The following STAT2 variants were observed in gnomAD, a reference collection of about 807,000 sequenced individuals.
The protein encoded by STAT2 is interferon alpha induced transcriptional activator.
In STAT2, 51 loss-of-function variants were observed where a neutral mutation model predicts 122.3. The ratio of observed to expected loss-of-function variants is 0.42; its 90% CI spans 0.33 to 0.53. The LOEUF is 0.53. Ranked by LOEUF, STAT2 falls within the 20% of genes least tolerant of loss-of-function variation. STAT2 has a pLI of 0.10. For missense variants in STAT2, 736 were observed against 1,010.3 expected, an observed-to-expected ratio of 0.73 and a Z score of 3.68; for synonymous variants, 351 against 394.9, an observed-to-expected ratio of 0.89 and a Z score of 1.32.
At chr12:56,352,057 T>C (rs976769689) in intron 8 of STAT2, among the ~76,000 whole-genome samples, 1 of 152,028 alleles carries the variant, frequency 6.6e-6, no homozygotes, top group Non-Finnish European at 1.5e-5. Context: ...CACGCCCGGC[T>C]AACTTATATA....
At position 56,348,904 on chromosome 12, in the gene STAT2, A is replaced by C; in HGVS notation, c.1576+20T>G. Reference sequence around the variant, plus strand: ...AAAGACTAAGGCTGGGGAAAGGCTGAGAGAAAAGGAAATCTGTACCGAACA... The same window carrying C: ...AAAGACTAAGGCTGGGGAAAGGCTGCGAGAAAAGGAAATCTGTACCGAACA... On this transcript the variant is annotated intron_variant, in intron 17 of 23. Transcript: ENST00000314128. The C allele has an allele frequency of 6.2e-7, 1 of 1,613,208 alleles. No individual in the cohort carries two copies. Among genetic ancestry groups the C allele is most frequent in the Non-Finnish European group, 8.5e-7 (1 of 1,179,454 alleles).
rs765874275 is a variant in STAT2 at position 56,349,571 on chromosome 12, C to A, written c.1257+18G>T. On this transcript the variant is annotated intron_variant, in intron 14 of 23. Transcript: ENST00000314128. ...TTGGCAAGCTCCCCCTGCCTCGAGT[C>A]CTCTGTCCAGATCTCACCTTATTGC... 2 of 1,614,186 alleles carry A rather than the reference C, an allele frequency of 1.2e-6. No individual in the cohort carries two copies. The highest frequency in any genetic ancestry group is 1.7e-6 in the Non-Finnish European group (2 of 1,180,032).
rs1293533636 is a variant in STAT2 at position 56,354,781 on chromosome 12, T to C, written c.630A>G (p.Arg210=). Residue 210 remains arginine, a synonymous_variant, in exon 7 of 24, where the codon AGA becomes AGG. Transcript: ENST00000314128. ...QETLNELDKR[R]KEVLDASKAL... ...TGTTCTGTCCTCTGTCTCCCACCTT[T>C]CTCCTTTTGTCCAGTTCATTGAGAG... The C allele has an allele frequency of 1.2e-6, 2 of 1,614,138 alleles. No individual in the cohort carries two copies. The highest frequency in any genetic ancestry group is 2.2e-5 in the South Asian group (2 of 91,074).
In STAT2 at chr12:56,344,106, T is replaced by C; in HGVS notation, c.2132A>G (p.Glu711Gly). 1 of 1,566,440 alleles carries C rather than the reference T, an allele frequency of 6.4e-7. No individual in the cohort carries two copies. The highest frequency in any genetic ancestry group is 1.9e-5 in the Admixed American group (1 of 52,130). ...RQVDELQQPL[E>G]LKPEPELESL... ...CTCCAGCTCTGGCTCTGGCTTAAGCTCCAGCGGTTGTTGCAGTTCATCCAC... is the reference window on the plus strand; with the variant it reads ...CTCCAGCTCTGGCTCTGGCTTAAGCCCCAGCGGTTGTTGCAGTTCATCCAC... Residue 711 changes from glutamate to glycine, a missense_variant, in exon 23 of 24, where the codon GAG becomes GGG. Glu to Gly is a moderately conservative substitution (Grantham distance 98). Coordinates refer to ENST00000314128, the MANE Select transcript of STAT2 (RefSeq NM_005419.4).
At position 56,349,277 on chromosome 12, in the gene STAT2, G is replaced by A. The variant is rs1479761346; in HGVS notation, c.1342-16C>T. Reference sequence around the variant, plus strand: ...GGGTGTCCGTCTGGGGAGAAGACAGGAGTCACAGAGAGGGATGTGATGTTT... The same window carrying A: ...GGGTGTCCGTCTGGGGAGAAGACAGAAGTCACAGAGAGGGATGTGATGTTT... On this transcript the variant is annotated splice_polypyrimidine_tract_variant and intron_variant, in intron 15 of 23. Transcript: ENST00000314128. 2 of 1,614,080 alleles carry A rather than the reference G, an allele frequency of 1.2e-6. No individual in the cohort carries two copies. Among genetic ancestry groups the A allele is most frequent in the Non-Finnish European group, 8.5e-7 (1 of 1,180,048 alleles).
intron 22 of STAT2, among the ~76,000 whole-genome samples, chr12:56,345,543 T>A (rs1592465613): frequency 1.5e-5 from 1 of 67,780 alleles, no homozygotes; most frequent in African/African-American, 7.7e-5. Flanking sequence ...ATATGCGGGG[T>A]GTGGTGGCTC....
intron 19 of STAT2, among the ~76,000 whole-genome samples, chr12:56,347,372 G>A (rs1223881036): frequency 1.3e-5 from 2 of 151,720 alleles, no homozygotes; most frequent in African/African-American, 4.8e-5. Context: ...TGTATTTTTC[G>A]TAGAGACGGG....
At chr12:56,350,485 G>A in intron 11 of STAT2, 53 bp from the exon 12 acceptor site, 4 of 1,538,672 alleles carry the variant, frequency 2.6e-6, no homozygotes, top group Non-Finnish European at 2.6e-6. Context: ...ATGGAAGTTA[G>A]GAGTTTCGTC....
At position 56,346,548 on chromosome 12, in the gene STAT2, G is replaced by A; in HGVS notation, c.1938C>T (p.Arg646=). The A allele has an allele frequency of 1.2e-6, 2 of 1,614,196 alleles. No homozygotes were observed. The highest frequency in any genetic ancestry group is 1.7e-6 in the Non-Finnish European group (2 of 1,180,034). Reference sequence around the variant, plus strand: ...TCTCCTCAGTGAGCAACTGGTAATGGCGGATGATTTCAGTCAGCGGGAGTG... The same window carrying A: ...TCTCCTCAGTGAGCAACTGGTAATGACGGATGATTTCAGTCAGCGGGAGTG... The part of the protein sequence containing the change: ...LQSLPLTEII[R]HYQLLTEENI... The change falls in exon 21 of 24, where the codon CGC becomes CGT. Residue 646 remains arginine, a synonymous_variant. Transcript: ENST00000314128.
Position 56,354,624 on chromosome 12 carries a change from A to G in STAT2, c.634-10T>C. ...AGGCATCCAGCACCTCCTGGGAAAG[A>G]GATAATGTGAGTGTTGAGCATCTCT... On this transcript the variant is annotated splice_polypyrimidine_tract_variant and intron_variant, in intron 7 of 23. Coordinates refer to ENST00000314128, the MANE Select transcript of STAT2 (RefSeq NM_005419.4). 1 of 1,614,114 alleles carries G rather than the reference A, an allele frequency of 6.2e-7. No individual in the cohort carries two copies. Among genetic ancestry groups the G allele is most frequent in the Non-Finnish European group, 8.5e-7 (1 of 1,179,998 alleles).
At chr12:56,350,246 G>T in intron 12 of STAT2, 56 bp from the exon 13 acceptor site, 3 of 1,435,308 alleles carry the variant, frequency 2.1e-6, no homozygotes, top group Non-Finnish European at 2.9e-6. Context: ...TAAAAACTCA[G>T]CAGAAAAAAA....
chr12:56,354,936 A>G, intron 6 of STAT2, 73 bp from the exon 7 acceptor site: 2 of 1,456,454 alleles, frequency 1.4e-6, no homozygotes, highest in Non-Finnish European at 1.9e-6. Flanking sequence ...AGTCAGAGTC[A>G]GGAAGGAGGA....
chr12:56,357,632 G>A (rs555300727), intron 1 of STAT2, among the ~76,000 whole-genome samples: 102 of 151,732 alleles, frequency 6.7e-4, no homozygotes, highest in African/African-American at 2.1e-3. Context: ...GGCGTGAGCC[G>A]CTGTGCCCAG....
chr12:56,353,995 CAAAAA>C (rs1187550270), intron 8 of STAT2, among the ~76,000 whole-genome samples: 13 of 12,764 alleles, frequency 1.0e-3, no homozygotes, highest in Admixed American at 1.9e-3. Flanking sequence ...GACTCCGTCT[CAAAAA>C]AAAAAAAAAA....
intron 18 of STAT2, 53 bp from the exon 19 acceptor site, chr12:56,348,676 GGAA>G (rs1293343869): frequency 1.2e-6 from 2 of 1,614,048 alleles, no homozygotes; most frequent in East Asian, 4.5e-5. Flanking sequence ...TCTGGTGTAG[GGAA>G]GGAGGGACGT....
intron 8 of STAT2, among the ~76,000 whole-genome samples, chr12:56,354,042 A>T (rs12312175): frequency 0.038 from 1,161 of 30,760 alleles, 30 homozygotes; most frequent in East Asian, 0.07. Context: ...TATATATATA[A>T]AAAATACTGT....
At chr12:56,347,350 C>T (rs980759981) in intron 19 of STAT2, among the ~76,000 whole-genome samples, 2 of 152,020 alleles carry the variant, frequency 1.3e-5, no homozygotes, top group South Asian at 4.1e-4. Flanking sequence ...ACCACCATGC[C>T]TGGCTAACTT....
In STAT2 at chr12:56,354,766, T is replaced by C. The variant is rs1443619758; in HGVS notation, c.633+12A>G. 1 of 1,614,218 alleles carries C rather than the reference T, an allele frequency of 6.2e-7. No individual in the cohort carries two copies. The highest frequency in any genetic ancestry group is 8.5e-7 in the Non-Finnish European group (1 of 1,180,024). On this transcript the variant is annotated intron_variant, in intron 7 of 23. Transcript: ENST00000314128. ...TCCTTGTTGCCCACATGTTCTGTCCTCTGTCTCCCACCTTTCTCCTTTTGT... is the reference window on the plus strand; with the variant it reads ...TCCTTGTTGCCCACATGTTCTGTCCCCTGTCTCCCACCTTTCTCCTTTTGT...
chr12:56,350,375 T>A, intron 12 of STAT2, 37 bp downstream of exon 12: 1 of 1,589,900 alleles, frequency 6.3e-7, no homozygotes, highest in East Asian at 2.2e-5. Flanking sequence ...GGTCATACAC[T>A]GTACAGATGT....
Sources: allele counts gnomAD v4.1 joint callset (sites outside exome capture counted in the v4.1 genomes callset), GRCh38; gene constraint gnomAD v4.1.1; transcripts MANE v1.5; gene names NCBI Gene and HGNC (gene_info 2026-07-23, HGNC 2026-07-21).